The following SIPA1L3 variants were observed in gnomAD, a reference collection of about 807,000 sequenced individuals.
The protein encoded by SIPA1L3 is signal induced proliferation associated 1 like 3.
SIPA1L3 carries 59 observed loss-of-function variants against 150.1 expected under a neutral mutation model. The ratio of observed to expected loss-of-function variants is 0.39; its 90% CI spans 0.32 to 0.49. The LOEUF (loss-of-function observed/expected upper bound fraction) is 0.49, where lower values mean the gene tolerates loss of function less well. Ranked by LOEUF, SIPA1L3 falls within the 20% of genes least tolerant of loss-of-function variation. SIPA1L3 has a pLI of 0.86. For missense variants in SIPA1L3, 2,211 were observed against 2,489.5 expected, an observed-to-expected ratio of 0.89 and a Z score of 2.38; for synonymous variants, 1,070 against 1,077.6, an observed-to-expected ratio of 0.99 and a Z score of 0.14.
At chr19:38,179,707 G>T (rs938054756) in intron 15 of SIPA1L3, among the ~76,000 whole-genome samples, 8 of 152,096 alleles carry the variant, frequency 5.3e-5, no homozygotes, top group African/African-American at 1.9e-4. Context: ...TGTCTTTAAG[G>T]AAGTTAAGAG....
chr19:37,912,662 A>G (rs1422639082), intron 1 of SIPA1L3, among the ~76,000 whole-genome samples: 2 of 152,060 alleles, frequency 1.3e-5, no homozygotes, highest in Non-Finnish European at 2.9e-5. Flanking sequence ...CACCCAGCTA[A>G]TTTTTAAATT....
chr19:38,077,519 A>G (rs1211240502), intron 2 of SIPA1L3, among the ~76,000 whole-genome samples: 4 of 152,188 alleles, frequency 2.6e-5, no homozygotes, highest in African/African-American at 7.2e-5. Flanking sequence ...AAGGAGAAAA[A>G]TGGAGCAGAG....
chr19:37,940,611 T>G (rs896622088), intron 1 of SIPA1L3, among the ~76,000 whole-genome samples: 1 of 152,190 alleles, frequency 6.6e-6, no homozygotes, highest in Non-Finnish European at 1.5e-5. Context: ...TTCATCTGCG[T>G]GTGAAGCCTC....
At chr19:37,952,410 T>G (rs150001784) in intron 1 of SIPA1L3, among the ~76,000 whole-genome samples, 5,499 of 152,244 alleles carry the variant, frequency 0.036, 316 homozygotes, top group African/African-American at 0.13. Context: ...CAGTGGCTCA[T>G]GCCTGTAATC....
intron 12 of SIPA1L3, among the ~76,000 whole-genome samples, chr19:38,150,363 A>G (rs148265825): frequency 6.6e-6 from 1 of 152,134 alleles, no homozygotes; most frequent in Non-Finnish European, 1.5e-5. Flanking sequence ...GGGTCCCTGT[A>G]GAGACAGTCC....
intron 14 of SIPA1L3, 65 bp downstream of exon 14, chr19:38,162,436 T>G: frequency 8.3e-7 from 1 of 1,199,604 alleles, no homozygotes; most frequent in Admixed American, 1.7e-5. Flanking sequence ...GCCTCTGAGC[T>G]TCACACTTGA....
intron 1 of SIPA1L3, among the ~76,000 whole-genome samples, chr19:38,009,452 ACCT>A (rs778629903): frequency 6.6e-6 from 1 of 151,514 alleles, no homozygotes; most frequent in Non-Finnish European, 1.5e-5. Context: ...TGCCCAAGAG[ACCT>A]CCTCAGACAT....
chr19:37,992,034 CAG>C (rs1165030069), intron 1 of SIPA1L3, among the ~76,000 whole-genome samples: 2 of 152,228 alleles, frequency 1.3e-5, no homozygotes, highest in Non-Finnish European at 2.9e-5. Context: ...TCATCTTATG[CAG>C]AGTGTTCAGT....
At chr19:38,176,443 C>A (rs1972437497) in intron 15 of SIPA1L3, among the ~76,000 whole-genome samples, 1 of 151,722 alleles carries the variant, frequency 6.6e-6, no homozygotes, top group Non-Finnish European at 1.5e-5. Flanking sequence ...GTCACCCAAG[C>A]TGGAATCCAA....
chr19:37,994,908 T>C (rs543871906), intron 1 of SIPA1L3, among the ~76,000 whole-genome samples: 37 of 152,098 alleles, frequency 2.4e-4, no homozygotes, highest in Admixed American at 2.2e-3. Context: ...GGTGCAGAGG[T>C]GCTCACCTGG....
intron 1 of SIPA1L3, among the ~76,000 whole-genome samples, chr19:38,002,167 CTG>C (rs1967821039): frequency 6.6e-6 from 1 of 152,182 alleles, no homozygotes; most frequent in African/African-American, 2.4e-5. Context: ...ATCTTGTAAA[CTG>C]AAACTCTGTC....
chr19:37,912,959 G>T (rs2046388454), intron 1 of SIPA1L3, among the ~76,000 whole-genome samples: 1 of 152,206 alleles, frequency 6.6e-6, no homozygotes, highest in Non-Finnish European at 1.5e-5. Flanking sequence ...TGACCACAGT[G>T]GGTGGTGGGG....
intron 2 of SIPA1L3, among the ~76,000 whole-genome samples, chr19:38,062,886 G>C (rs1969480816): frequency 6.6e-6 from 1 of 152,156 alleles, no homozygotes; most frequent in African/African-American, 2.4e-5. Flanking sequence ...CTCCCAAAGT[G>C]CTGGGATTAC....
intron 1 of SIPA1L3, among the ~76,000 whole-genome samples, chr19:37,971,478 G>T (rs929304000): frequency 1.3e-5 from 2 of 151,988 alleles, no homozygotes; most frequent in African/African-American, 2.4e-5. Context: ...CTATGTATTT[G>T]CCTGTTCTGG....
intron 2 of SIPA1L3, among the ~76,000 whole-genome samples, chr19:38,064,137 C>A (rs531772070): frequency 6.6e-6 from 1 of 152,350 alleles, no homozygotes; most frequent in East Asian, 1.9e-4. Context: ...CTCATTAGAG[C>A]GAATAGGACT....
intron 17 of SIPA1L3, 65 bp from the exon 18 acceptor site, chr19:38,193,472 C>G: frequency 7.1e-7 from 1 of 1,399,554 alleles, no homozygotes; most frequent in Non-Finnish European, 9.2e-7. Context: ...GGGGAAGATG[C>G]CTCTGAGGAC....
chr19:37,922,562 T>G (rs2046466131), intron 1 of SIPA1L3, among the ~76,000 whole-genome samples: 1 of 151,764 alleles, frequency 6.6e-6, no homozygotes, highest in Non-Finnish European at 1.5e-5. Context: ...CCCGGCTAAT[T>G]TTTTGTGTTT....
rs1350583776 is a variant in SIPA1L3, at chr19:38,082,282, C to T, written c.717C>T (p.Thr239=). ...ACGCCCGAGGGTGCCAGGCCCTCACCGAGCTCCTCCGGGCAGATCCTGGCC... is the reference window on the plus strand; with the variant it reads ...ACGCCCGAGGGTGCCAGGCCCTCACTGAGCTCCTCCGGGCAGATCCTGGCC... ...QPDARGCQAL[T]ELLRADPGPH... Residue 239 remains threonine (T), a synonymous_variant, in exon 3 of 22, where the codon ACC becomes ACT. Transcript: ENST00000222345. 3 of 1,599,842 alleles carry T rather than the reference C, an allele frequency of 1.9e-6. No individual in the cohort carries two copies. The highest frequency in any genetic ancestry group is 1.1e-5 in the South Asian group (1 of 91,018).
intron 9 of SIPA1L3, among the ~76,000 whole-genome samples, chr19:38,126,406 G>A (rs928631427): frequency 6.6e-6 from 1 of 152,048 alleles, no homozygotes; most frequent in Non-Finnish European, 1.5e-5. Context: ...CAGCCCAAGA[G>A]GGCTTTGAAT....
Sources: gnomAD v4.1 joint callset for allele counts (sites outside exome capture counted in the v4.1 genomes callset) on GRCh38, gnomAD v4.1.1 for gene constraint, MANE v1.5 for transcripts, NCBI Gene and HGNC (gene_info 2026-07-23, HGNC 2026-07-21) for gene names.